Variants in RAB3C observed in about 807,000 individuals in gnomAD.
RAB3C encodes RAB3C, member RAS oncogene family.
Under a neutral mutation model 26.4 loss-of-function variants are expected in RAB3C, and 17 were observed. The ratio of observed to expected loss-of-function variants is 0.64; its 90% CI spans 0.44 to 0.97. The LOEUF (loss-of-function observed/expected upper bound fraction) is 0.97, where lower values mean the gene tolerates loss of function less well. RAB3C is among the 50% of genes least tolerant of loss of function. RAB3C has a pLI of 0.00. For missense variants in RAB3C, 242 were observed against 281.9 expected (o/e 0.86, Z 1.01); for synonymous variants, 91 against 95.9 (o/e 0.95, Z 0.30).
rs80245099 is a variant in RAB3C, at chr5:58,705,177, A to C, written c.253-20825A>C. The stretch of plus-strand genomic sequence containing the variant: ...AAGGAAGGTAGAAAGATACTTCTTC[A>C]GTGAATCTCTGCTTTCAACATACTT... On this transcript the variant is annotated intron_variant, in intron 2 of 4. Transcript: ENST00000282878. Among the ~76,000 whole-genome samples, 897 of 152,306 alleles carry C rather than the reference A, an allele frequency of 5.9e-3. 16 individuals carry two copies. Among genetic ancestry groups the C allele is most frequent in the African/African-American group, 0.02 (835 of 41,568 alleles).
intron 3 of RAB3C, among the ~76,000 whole-genome samples, chr5:58,806,380 A>G (rs891495563): frequency 6.6e-6 from 1 of 152,174 alleles, no homozygotes; most frequent in East Asian, 1.9e-4. Context: ...CAGGCAACCA[A>G]TACATCAATT....
rs919834404 is a variant in RAB3C at position 58,687,616 on chromosome 5, A to G, written c.253-38386A>G. 2.5e-4 allele frequency among the ~76,000 whole-genome samples: 38 copies of G among 152,130 alleles called. 1 individual carries two copies. Among genetic ancestry groups the G allele is most frequent in the Admixed American group, 2.5e-3 (38 of 15,254 alleles). On this transcript the variant is annotated intron_variant, in intron 2 of 4. Coordinates refer to ENST00000282878, the MANE Select transcript of RAB3C (RefSeq NM_138453.4). Reference sequence around the variant, plus strand: ...TCACACCTAATAAATTTTGGCCTATATGAATGTGGCATCAATTGAGATACA... The same window carrying G: ...TCACACCTAATAAATTTTGGCCTATGTGAATGTGGCATCAATTGAGATACA...
chr5:58,781,413 G>T (rs1181262865), intron 3 of RAB3C, among the ~76,000 whole-genome samples: 1 of 151,976 alleles, frequency 6.6e-6, no homozygotes, highest in Non-Finnish European at 1.5e-5. Flanking sequence ...CTTAACCAGA[G>T]TTCTTCATCT....
chr5:58,750,630 C>T (rs1337872015), intron 3 of RAB3C, among the ~76,000 whole-genome samples: 1 of 152,178 alleles, frequency 6.6e-6, no homozygotes, highest in Non-Finnish European at 1.5e-5. Flanking sequence ...CTCTTGAAAA[C>T]TATTGAGTAT....
chr5:58,760,650 T>G (rs7716481), intron 3 of RAB3C, among the ~76,000 whole-genome samples: 51,900 of 152,040 alleles, frequency 0.34, 9,042 homozygotes, highest in South Asian at 0.43. Flanking sequence ...ACCTAGAATA[T>G]CTTATATGAT....
At chr5:58,771,006 A>G (rs1048121800) in intron 3 of RAB3C, among the ~76,000 whole-genome samples, 1 of 152,196 alleles carries the variant, frequency 6.6e-6, no homozygotes, top group Non-Finnish European at 1.5e-5. Flanking sequence ...GAAAAGACTA[A>G]GAATGCTTCA....
At chr5:58,746,176 G>A (rs754568511) in intron 3 of RAB3C, among the ~76,000 whole-genome samples, 3 of 152,172 alleles carry the variant, frequency 2.0e-5, no homozygotes, top group Non-Finnish European at 2.9e-5. Flanking sequence ...GATTGATGAT[G>A]AATATAAACA....
intron 3 of RAB3C, among the ~76,000 whole-genome samples, chr5:58,814,928 G>A (rs1249431296): frequency 2.0e-5 from 3 of 152,108 alleles, no homozygotes; most frequent in African/African-American, 7.2e-5. Context: ...CCAGGACTAG[G>A]TGGATCAAGA....
At chr5:58,672,971 TTCTC>T (rs1197275653) in intron 2 of RAB3C, among the ~76,000 whole-genome samples, 1 of 152,228 alleles carries the variant, frequency 6.6e-6, no homozygotes. Flanking sequence ...GTCTTTACTT[TTCTC>T]TCTAAGGATA....
intron 1 of RAB3C, among the ~76,000 whole-genome samples, chr5:58,605,243 T>G (rs1355813369): frequency 2.0e-5 from 3 of 152,124 alleles, no homozygotes; most frequent in African/African-American, 4.8e-5. Context: ...GTTTTTTTCT[T>G]GCGGTCAATC....
chr5:58,687,964 A>G (rs1263960487), intron 2 of RAB3C, among the ~76,000 whole-genome samples: 1 of 152,120 alleles, frequency 6.6e-6, no homozygotes, highest in Non-Finnish European at 1.5e-5. Context: ...ATCAACCTCC[A>G]TTAACCATCT....
At chr5:58,724,920 C>T (rs1740855482) in intron 2 of RAB3C, among the ~76,000 whole-genome samples, 1 of 151,802 alleles carries the variant, frequency 6.6e-6, no homozygotes, top group Admixed American at 6.6e-5. Flanking sequence ...GCTGTAACTA[C>T]TGTTGTTTTC....
rs1743819568 is a variant in RAB3C at position 58,839,203 on chromosome 5, T to C, written c.497-11961T>C. On this transcript the variant is annotated intron_variant, in intron 4 of 4. Coordinates refer to ENST00000282878, the MANE Select transcript of RAB3C (RefSeq NM_138453.4). ...AAATGGAGAATTTAAGCCATTTACA[T>C]TCAAGGTTATTATTTCATAGGTGAG... Among the ~76,000 whole-genome samples the C allele has an allele frequency of 1.3e-5, 2 of 151,994 alleles. 1 individual carries two copies. The highest frequency in any genetic ancestry group is 1.3e-4 in the Admixed American group (2 of 15,252).
intron 3 of RAB3C, among the ~76,000 whole-genome samples, chr5:58,771,904 T>C (rs1742038101): frequency 6.6e-6 from 1 of 151,216 alleles, no homozygotes; most frequent in African/African-American, 2.4e-5. Context: ...AAAGTCCACC[T>C]CTCAAGGCTA....
At chr5:58,640,044 A>G (rs1480807306) in intron 2 of RAB3C, among the ~76,000 whole-genome samples, 1 of 152,218 alleles carries the variant, frequency 6.6e-6, no homozygotes, top group East Asian at 1.9e-4. Context: ...AAGGGAATCT[A>G]CTGCACACAG....
intron 2 of RAB3C, among the ~76,000 whole-genome samples, chr5:58,633,829 A>G (rs1462832762): frequency 6.6e-6 from 1 of 152,126 alleles, no homozygotes; most frequent in Non-Finnish European, 1.5e-5. Flanking sequence ...ATACATATTT[A>G]CTTGTTAAAT....
At chr5:58,627,365 T>C (rs1747076026) in intron 2 of RAB3C, among the ~76,000 whole-genome samples, 1 of 85,486 alleles carries the variant, frequency 1.2e-5, no homozygotes, top group Non-Finnish European at 2.4e-5. Context: ...CTCGGGAGGC[T>C]GAGGCAGGAG....
chr5:58,756,334 T>A (rs956297655), intron 3 of RAB3C, among the ~76,000 whole-genome samples: 9 of 139,204 alleles, frequency 6.5e-5, no homozygotes, highest in African/African-American at 2.1e-4. Flanking sequence ...TATATATATA[T>A]AACATATATA....
intron 3 of RAB3C, among the ~76,000 whole-genome samples, chr5:58,806,474 G>C (rs1273268472): frequency 1.3e-5 from 2 of 152,252 alleles, no homozygotes; most frequent in East Asian, 3.9e-4. Flanking sequence ...TCATCAAACT[G>C]TACTACTTCA....
Sources: allele counts gnomAD v4.1 joint callset (sites outside exome capture counted in the v4.1 genomes callset), GRCh38; gene constraint gnomAD v4.1.1; transcripts MANE v1.5; gene names NCBI Gene and HGNC (gene_info 2026-07-23, HGNC 2026-07-21).